Variants in SH2D4A observed in about 807,000 individuals in gnomAD.
The protein encoded by SH2D4A is SH2 domain containing 4A.
Under a neutral mutation model 64.7 loss-of-function variants are expected in SH2D4A, and 70 were observed. The ratio of observed to expected loss-of-function variants is 1.08; its 90% CI spans 0.89 to 1.32. The LOEUF (loss-of-function observed/expected upper bound fraction) is 1.32. Among genes scored for constraint, SH2D4A ranks in the 40% most tolerant of loss-of-function variants. The pLI, the probability that SH2D4A is intolerant of heterozygous loss-of-function variation, is 0.00. For synonymous variants in SH2D4A, 268 were observed against 200.7 expected (o/e 1.34, Z -2.83); for missense variants, 706 against 540.1 (o/e 1.31, Z -3.04).
chr8:19,360,897 C>T, intron 5 of SH2D4A: 1 of 203,576 alleles, frequency 4.9e-6, no homozygotes. Flanking sequence ...CCAGGGACTT[C>T]TTAAGTTATC....
chr8:19,357,050 G>A lies in SH2D4A; in HGVS notation c.514-153G>A, dbSNP rs113824606. Among the ~76,000 whole-genome samples, 7 of 152,274 alleles carry A rather than the reference G, an allele frequency of 4.6e-5. 1 individual carries two copies. The East Asian group carries it at 5.8e-4, about 13-fold the overall frequency. ...CATGCCCGTTGCTGTAGTCAGGATC[G>A]GCCCAGGAACTCAGGTGCCAGTGGG... On this transcript the variant is annotated intron_variant, in intron 4 of 9. Coordinates refer to ENST00000265807, the MANE Select transcript of SH2D4A (RefSeq NM_022071.4).
chr8:19,319,133 CT>C (rs35016269), intron 1 of SH2D4A, among the ~76,000 whole-genome samples: 100 of 144,824 alleles, frequency 6.9e-4, no homozygotes, highest in Middle Eastern at 3.5e-3. Context: ...GGTTTGTTTT[CT>C]TTTTTTTTTT....
chr8:19,323,607 C>G (rs2052226765), intron 2 of SH2D4A, among the ~76,000 whole-genome samples: 1 of 152,164 alleles, frequency 6.6e-6, no homozygotes, highest in African/African-American at 2.4e-5. Context: ...TCTCAAATTC[C>G]TGACCTTAGG....
chr8:19,393,183 A>G (rs996309016), intron 8 of SH2D4A, 135 bp from the exon 9 acceptor site: 42 of 764,748 alleles, frequency 5.5e-5, no homozygotes, highest in Non-Finnish European at 8.4e-5. Context: ...TAAGAAGCCC[A>G]AAACAGACTT....
intron 4 of SH2D4A, among the ~76,000 whole-genome samples, chr8:19,341,655 C>A (rs1286022331): frequency 6.6e-6 from 1 of 151,986 alleles, no homozygotes; most frequent in East Asian, 1.9e-4. Context: ...CCAGTCTGGG[C>A]AACATGGCGA....
chr8:19,340,601 C>CTTTTTTTTTTTTTTT (rs535915285), intron 4 of SH2D4A, among the ~76,000 whole-genome samples: 3 of 100,530 alleles, frequency 3.0e-5, no homozygotes, highest in Non-Finnish European at 5.9e-5. Context: ...TTCTTTCTTT[C>CTTTTTTTTTTTTTTT]TTTTTTTTTT....
At chr8:19,353,674 GTTTTTT>G (rs55989081) in intron 4 of SH2D4A, among the ~76,000 whole-genome samples, 2 of 105,208 alleles carry the variant, frequency 1.9e-5, no homozygotes, top group African/African-American at 7.7e-5. Context: ...GCCTCTAGCT[GTTTTTT>G]TTTTTTTTTT....
chr8:19,363,998 T>G, intron 6 of SH2D4A, 74 bp from the exon 7 acceptor site: 4 of 1,422,942 alleles, frequency 2.8e-6, no homozygotes, highest in Non-Finnish European at 3.9e-6. Flanking sequence ...CTGCCCGTTG[T>G]GCAATGAATG....
At chr8:19,346,310 C>T (rs1358952601) in intron 4 of SH2D4A, among the ~76,000 whole-genome samples, 2 of 152,214 alleles carry the variant, frequency 1.3e-5, no homozygotes, top group African/African-American at 2.4e-5. Flanking sequence ...GCCAGCATTA[C>T]TCCCTGGGCC....
intron 8 of SH2D4A, among the ~76,000 whole-genome samples, chr8:19,379,616 G>A (rs182652196): frequency 9.2e-4 from 140 of 152,284 alleles, no homozygotes; most frequent in African/African-American, 3.2e-3. Context: ...TAGTGGCTAT[G>A]CTATACTATT....
chr8:19,351,877 G>A (rs576521415), intron 4 of SH2D4A, among the ~76,000 whole-genome samples: 11 of 152,094 alleles, frequency 7.2e-5, no homozygotes, highest in East Asian at 1.9e-4. Flanking sequence ...TCTGCCTCTC[G>A]GGTTCAAGCG....
intron 7 of SH2D4A, among the ~76,000 whole-genome samples, chr8:19,368,073 T>C (rs751320612): frequency 5.9e-5 from 9 of 152,302 alleles, no homozygotes; most frequent in Middle Eastern, 3.4e-3. Flanking sequence ...TTCTTATACA[T>C]GTCACTATCT....
chr8:19,372,902 G>A (rs1312815611), intron 7 of SH2D4A, among the ~76,000 whole-genome samples: 1 of 151,428 alleles, frequency 6.6e-6, no homozygotes, highest in African/African-American at 2.4e-5. Context: ...GATAAAGCAA[G>A]TCAGGGAGGT....
At chr8:19,375,997 G>C (rs918119252) in intron 8 of SH2D4A, among the ~76,000 whole-genome samples, 4 of 152,066 alleles carry the variant, frequency 2.6e-5, no homozygotes, top group African/African-American at 9.7e-5. Flanking sequence ...CACCTCTCCA[G>C]GCCTCCCTTC....
At chr8:19,393,970 A>T (rs1253673936) in intron 9 of SH2D4A, among the ~76,000 whole-genome samples, 1 of 152,180 alleles carries the variant, frequency 6.6e-6, no homozygotes, top group African/African-American at 2.4e-5. Flanking sequence ...ATAATGAAAT[A>T]ATTATACAGT....
At chr8:19,323,157 A>C (rs1360696285) in intron 2 of SH2D4A, among the ~76,000 whole-genome samples, 1 of 151,998 alleles carries the variant, frequency 6.6e-6, no homozygotes, top group Non-Finnish European at 1.5e-5. Context: ...CTACAGCCGC[A>C]CCGTCCAGTG....
At chr8:19,341,860 A>G (rs943776417) in intron 4 of SH2D4A, among the ~76,000 whole-genome samples, 3 of 151,672 alleles carry the variant, frequency 2.0e-5, no homozygotes, top group African/African-American at 7.3e-5. Flanking sequence ...AAAAAAAAAA[A>G]AGATCATCAC....
intron 8 of SH2D4A, among the ~76,000 whole-genome samples, chr8:19,385,467 C>T (rs1449493103): frequency 6.6e-6 from 1 of 152,152 alleles, no homozygotes; most frequent in Non-Finnish European, 1.5e-5. Flanking sequence ...TCCCAAAGTG[C>T]TGGGATTACA....
Position 19,373,550 on chromosome 8 carries a change from C to G in SH2D4A, c.938C>G (p.Thr313Arg), listed in dbSNP as rs140723848. The G allele has an allele frequency of 5.6e-6, 9 of 1,608,364 alleles. No individual in the cohort carries two copies. Among genetic ancestry groups the G allele is most frequent in the Non-Finnish European group, 7.6e-6 (9 of 1,176,936 alleles). Reference sequence around the variant, plus strand: ...AACAGAAATCAGGGAGTGGTGAGGACACTGTCCAGCTCTGCCCAAGAGGAC... The same window carrying G: ...AACAGAAATCAGGGAGTGGTGAGGAGACTGTCCAGCTCTGCCCAAGAGGAC... ...KPLRNQGVVR[T>R]LSSSAQEDII... is the part of the protein sequence containing the mutation. Residue 313 changes from threonine (T) to arginine (R), a missense_variant, in exon 8 of 10, where the codon ACA (threonine) becomes AGA (arginine). By Grantham distance (71) the Thr-to-Arg change is moderately conservative. Coordinates refer to ENST00000265807, the MANE Select transcript of SH2D4A (RefSeq NM_022071.4).
Sources: gnomAD v4.1 joint callset for allele counts (sites outside exome capture counted in the v4.1 genomes callset) on GRCh38, gnomAD v4.1.1 for gene constraint, MANE v1.5 for transcripts, NCBI Gene and HGNC (gene_info 2026-07-23, HGNC 2026-07-21) for gene names.